The following SLC44A5 variants were observed in gnomAD, a reference collection of about 807,000 sequenced individuals.
SLC44A5 encodes the protein solute carrier family 44 member 5, also known as choline transporter-like protein 5.
Under a neutral mutation model 101.8 loss-of-function variants are expected in SLC44A5, and 57 were observed. The observed-to-expected ratio is 0.56, with a 90% CI of 0.45 to 0.70. The LOEUF (loss-of-function observed/expected upper bound fraction) is 0.70. Ranked by LOEUF, SLC44A5 falls within the 30% of genes least tolerant of loss-of-function variation. SLC44A5 has a pLI of 0.00. For synonymous variants in SLC44A5, 281 were observed against 290.9 expected, an observed-to-expected ratio of 0.97 and a Z score of 0.35; for missense variants, 737 against 853.1, an observed-to-expected ratio of 0.86 and a Z score of 1.70.
upstream of SLC44A5, among the ~76,000 whole-genome samples, chr1:75,611,905 A>G (rs531192085): frequency 6.6e-6 from 1 of 151,924 alleles, no homozygotes; most frequent in African/African-American, 2.4e-5. Context: ...CATTCTGCCT[A>G]CTGCACAGTC....
intron 1 of SLC44A5, among the ~76,000 whole-genome samples, chr1:75,552,193 T>G (rs1307663310): frequency 6.6e-6 from 1 of 152,150 alleles, no homozygotes; most frequent in Non-Finnish European, 1.5e-5. Context: ...GTCTCATTAG[T>G]CAGCAAACGT....
intron 2 of SLC44A5, among the ~76,000 whole-genome samples, chr1:75,415,475 T>C (rs1663580385): frequency 6.6e-6 from 1 of 152,198 alleles, no homozygotes; most frequent in South Asian, 2.1e-4. Flanking sequence ...AATTGCCCAG[T>C]CTCAGGTATG....
intron 1 of SLC44A5, among the ~76,000 whole-genome samples, chr1:75,610,136 T>TACACACAC (rs144198306): frequency 0.052 from 7,519 of 144,222 alleles, 245 homozygotes; most frequent in East Asian, 0.14. Flanking sequence ...AGTCAAGAAA[T>TACACACAC]ACACACACAC....
chr1:75,290,035 A>G (rs1357477086), intron 5 of SLC44A5, among the ~76,000 whole-genome samples: 1 of 152,224 alleles, frequency 6.6e-6, no homozygotes, highest in East Asian at 1.9e-4. Context: ...CCACTCATTC[A>G]ATGATTTTGT....
chr1:75,279,844 T>G (rs910365702), intron 5 of SLC44A5, among the ~76,000 whole-genome samples: 8 of 151,920 alleles, frequency 5.3e-5, no homozygotes, highest in African/African-American at 1.2e-4. Flanking sequence ...TTCTGAGATT[T>G]TGGTGCACCT....
chr1:75,208,476 G>A (rs536618942), intron 23 of SLC44A5, among the ~76,000 whole-genome samples: 28 of 152,266 alleles, frequency 1.8e-4, no homozygotes, highest in African/African-American at 6.3e-4. Context: ...TTTTTTATAC[G>A]TGAAATTGTG....
rs759049356 is a variant in SLC44A5, at chr1:75,238,526, C to T, written c.643G>A (p.Gly215Arg). 3.1e-6 allele frequency: 5 copies of T among 1,596,840 alleles called. No homozygotes were observed. The highest frequency in any genetic ancestry group is 1.4e-5 in the African/African-American group (1 of 73,954). Residue 215 changes from glycine (G) to arginine (R), a missense_variant, in exon 10 of 24, where the codon GGG becomes AGG. Around this residue, in one of 3 missense-constraint regions of SLC44A5, gnomAD observed 665 missense variants for 764.4 expected, o/e 0.87. Coordinates refer to ENST00000370859, the MANE Select transcript of SLC44A5 (RefSeq NM_001130058.2). Reference sequence around the variant, plus strand: ...AAACACACATACTTTGCAGCAATCCCGAGTTCTACAACACTTCTTGTCCCT... The same window carrying T: ...AAACACACATACTTTGCAGCAATCCTGAGTTCTACAACACTTCTTGTCCCT... The part of the protein sequence containing the change: ...NGGTRSVVEL[G>R]IAANGINKLL...
chr1:75,347,361 G>A (rs1403838165), intron 3 of SLC44A5, among the ~76,000 whole-genome samples: 1 of 152,084 alleles, frequency 6.6e-6, no homozygotes, highest in Non-Finnish European at 1.5e-5. Context: ...TAAAGTGTAG[G>A]AAAGAAAACA....
At chr1:75,618,686 C>T in the SLC44A5 span, among the ~76,000 whole-genome samples, 2 of 152,178 alleles carry the variant, frequency 1.3e-5, no homozygotes, top group Non-Finnish European at 2.9e-5. Context: ...CAGCTACAAA[C>T]CTGTGTAAGA....
chr1:75,274,184 T>A (rs1216578999), intron 6 of SLC44A5, among the ~76,000 whole-genome samples: 1 of 151,986 alleles, frequency 6.6e-6, no homozygotes, highest in Admixed American at 6.6e-5. Flanking sequence ...TTGGGGTTTT[T>A]TTTTTAACCA....
intron 3 of SLC44A5, among the ~76,000 whole-genome samples, chr1:75,390,947 A>G (rs1269875299): frequency 6.6e-6 from 1 of 152,174 alleles, no homozygotes; most frequent in African/African-American, 2.4e-5. Context: ...AGAAAACTCT[A>G]AAGACTCTCT....
At chr1:75,424,867 A>G (rs908421550) in intron 2 of SLC44A5, among the ~76,000 whole-genome samples, 2 of 152,238 alleles carry the variant, frequency 1.3e-5, no homozygotes, top group African/African-American at 4.8e-5. Flanking sequence ...TTAGTGAGCC[A>G]ACTGTATTCC....
chr1:75,279,695 T>C (rs993436186), intron 5 of SLC44A5, among the ~76,000 whole-genome samples: 9 of 152,116 alleles, frequency 5.9e-5, no homozygotes, highest in African/African-American at 1.9e-4. Context: ...ATGTATAGTA[T>C]CCCCAAACAG....
intron 4 of SLC44A5, among the ~76,000 whole-genome samples, chr1:75,301,023 T>C (rs1654413377): frequency 6.6e-6 from 1 of 152,198 alleles, no homozygotes; most frequent in Non-Finnish European, 1.5e-5. Flanking sequence ...TTTGATTTTA[T>C]GATTTTCTTC....
intron 22 of SLC44A5, among the ~76,000 whole-genome samples, chr1:75,213,396 C>T (rs1458529618): frequency 1.3e-5 from 2 of 152,094 alleles, no homozygotes; most frequent in African/African-American, 4.8e-5. Context: ...TTGCCGAAGC[C>T]CTAAGCCCCA....
At chr1:75,524,952 A>T (rs961339877) in intron 2 of SLC44A5, among the ~76,000 whole-genome samples, 1 of 152,168 alleles carries the variant, frequency 6.6e-6, no homozygotes, top group African/African-American at 2.4e-5. Context: ...TAATTTTTTT[A>T]AATTATAAAT....
chr1:75,341,461 G>A (rs1023498088), intron 3 of SLC44A5, among the ~76,000 whole-genome samples: 4 of 151,810 alleles, frequency 2.6e-5, no homozygotes, highest in African/African-American at 9.7e-5. Flanking sequence ...CAGCTTGGGC[G>A]AGAGAGCAAG....
At chr1:75,335,370 G>A (rs972123829) in intron 4 of SLC44A5, among the ~76,000 whole-genome samples, 1 of 152,158 alleles carries the variant, frequency 6.6e-6, no homozygotes, top group African/African-American at 2.4e-5. Flanking sequence ...CTGCTGAGCC[G>A]AACTGATGTT....
At chr1:75,621,178 G>A in the SLC44A5 span, among the ~76,000 whole-genome samples, 3 of 152,108 alleles carry the variant, frequency 2.0e-5, no homozygotes, top group Non-Finnish European at 2.9e-5. Flanking sequence ...TGATGACAAG[G>A]TTCTGACAAT....
Sources: gnomAD v4.1 joint callset for allele counts (sites outside exome capture counted in the v4.1 genomes callset) on GRCh38, gnomAD v4.1.1 for gene constraint, gnomAD v4.1.1 regional missense constraint, MANE v1.5 for transcripts, NCBI Gene and HGNC (gene_info 2026-07-23, HGNC 2026-07-21) for gene names.